The following PPP3R1 variants were observed in gnomAD, a reference collection of about 807,000 sequenced individuals.
PPP3R1 encodes the protein protein phosphatase 3 regulatory subunit B, alpha.
Under a neutral mutation model 22.6 loss-of-function variants are expected in PPP3R1, and 5 were observed. That is an observed-to-expected ratio of 0.22 (90% CI 0.12 to 0.46). The LOEUF is 0.46. PPP3R1 is among the 20% of genes least tolerant of loss of function. PPP3R1 has a pLI of 0.99. For synonymous variants in PPP3R1, 56 were observed against 65.2 expected (o/e 0.86, Z 0.68); for missense variants, 61 against 203.2 (o/e 0.30, Z 4.25).
At chr2:68,182,079 C>A (rs1473258520) in intron 5 of PPP3R1, among the ~76,000 whole-genome samples, 1 of 37,534 alleles carries the variant, frequency 2.7e-5, no homozygotes, top group South Asian at 9.0e-4. Context: ...CAACCCCCCC[C>A]TCCCCCCACC....
intron 1 of PPP3R1, among the ~76,000 whole-genome samples, chr2:68,242,736 C>G (rs1670159085): frequency 6.6e-6 from 1 of 152,068 alleles, no homozygotes; most frequent in Non-Finnish European, 1.5e-5. Flanking sequence ...TAGACAATGC[C>G]AGCATACTGC....
chr2:68,247,609 A>G (rs1670261114), intron 1 of PPP3R1, among the ~76,000 whole-genome samples: 1 of 152,234 alleles, frequency 6.6e-6, no homozygotes, highest in Non-Finnish European at 1.5e-5. Flanking sequence ...TAGTCATCCC[A>G]GCAAACTGGA....
In PPP3R1 at chr2:68,179,910, CCA is replaced by C. The variant is rs1674366170; in HGVS notation, c.*1051_*1052del. ...ATACATACATGCATATTAAATATCACCAGTTTTTTAGATTAGCTGCAAGTCTT... is the reference window on the plus strand; with the variant it reads ...ATACATACATGCATATTAAATATCACGTTTTTTAGATTAGCTGCAAGTCTT... On this transcript the variant is annotated 3_prime_UTR_variant, in exon 6 of 6. Transcript: ENST00000234310. The C allele has an allele frequency of 6.6e-6, 1 of 152,126 alleles. No homozygotes were observed. The highest frequency in any genetic ancestry group is 1.5e-5 in the Non-Finnish European group (1 of 68,028). The allele number at this position is 152,126 out of a possible 1,614,324, so 9.4% of individuals were successfully genotyped here.
At chr2:68,233,955 G>C (rs1042485260) in intron 1 of PPP3R1, among the ~76,000 whole-genome samples, 5 of 152,122 alleles carry the variant, frequency 3.3e-5, no homozygotes, top group African/African-American at 4.8e-5. Context: ...AAAAAACAGA[G>C]AAATAACATT....
intron 1 of PPP3R1, among the ~76,000 whole-genome samples, chr2:68,250,430 CA>C (rs1489534178): frequency 3.9e-5 from 6 of 152,156 alleles, no homozygotes; most frequent in Non-Finnish European, 8.8e-5. Flanking sequence ...ATATAAACAA[CA>C]AAAGGCTAGA....
intron 1 of PPP3R1, among the ~76,000 whole-genome samples, chr2:68,223,190 T>C (rs924126191): frequency 1.3e-5 from 2 of 150,922 alleles, no homozygotes; most frequent in Non-Finnish European, 3.0e-5. Flanking sequence ...AGGTCAGGAG[T>C]TCAAGACCAG....
At chr2:68,252,070 C>A in intron 1 of PPP3R1, 55 bp downstream of exon 1, 1 of 1,376,174 alleles carries the variant, frequency 7.3e-7, no homozygotes. Context: ...CCGCACCCGA[C>A]CCGGACGGCG....
intron 1 of PPP3R1, among the ~76,000 whole-genome samples, chr2:68,245,650 T>C (rs1216548568): frequency 1.3e-5 from 2 of 152,216 alleles, no homozygotes; most frequent in Non-Finnish European, 2.9e-5. Context: ...TTTTATTTGC[T>C]TTCAAATCCT....
intron 2 of PPP3R1, among the ~76,000 whole-genome samples, chr2:68,204,221 C>CCTA (rs1675056034): frequency 1.3e-5 from 2 of 152,010 alleles, no homozygotes; most frequent in African/African-American, 4.8e-5. Context: ...GTATACATTT[C>CCTA]CTAGTCCAGA....
chr2:68,217,139 G>T lies in PPP3R1; in HGVS notation c.4-8C>A. On this transcript the variant is annotated splice_polypyrimidine_tract_variant and splice_region_variant and intron_variant, in intron 1 of 5. Transcript: ENST00000234310. ...ATAACTTGCCTCATTTCCCTGGGGG[G>T]AAAGAAAGAAATAATTAGTCATAAA... The T allele has an allele frequency of 6.3e-7, 1 of 1,576,268 alleles. No homozygotes were observed. The highest frequency in any genetic ancestry group is 1.7e-5 in the Admixed American group (1 of 57,392).
chr2:68,210,623 G>A (rs1382067048), intron 2 of PPP3R1, among the ~76,000 whole-genome samples: 1 of 152,028 alleles, frequency 6.6e-6, no homozygotes, highest in Non-Finnish European at 1.5e-5. Context: ...GGGTTCAACA[G>A]ACAAAAAAAT....
chr2:68,217,018 A>G, intron 2 of PPP3R1, 74 bp downstream of exon 2: 1 of 1,010,988 alleles, frequency 9.9e-7, no homozygotes, highest in Non-Finnish European at 1.4e-6. Context: ...TGATACACAC[A>G]CACACACACA....
At chr2:68,194,819 T>C (rs1020922263) in intron 2 of PPP3R1, among the ~76,000 whole-genome samples, 2 of 152,114 alleles carry the variant, frequency 1.3e-5, no homozygotes, top group African/African-American at 2.4e-5. Context: ...CCAATAATTG[T>C]ATAGTAGAAA....
At chr2:68,230,509 G>C (rs1669876107) in intron 1 of PPP3R1, among the ~76,000 whole-genome samples, 1 of 152,216 alleles carries the variant, frequency 6.6e-6, no homozygotes, top group South Asian at 2.1e-4. Flanking sequence ...CATACCTTTA[G>C]AACCACATCA....
chr2:68,231,275 G>A (rs1278467754), intron 1 of PPP3R1, among the ~76,000 whole-genome samples: 1 of 151,710 alleles, frequency 6.6e-6, no homozygotes, highest in Non-Finnish European at 1.5e-5. Flanking sequence ...CTACTCACTG[G>A]GCTACTGTAT....
chr2:68,234,098 CT>C (rs1188846919), intron 1 of PPP3R1, among the ~76,000 whole-genome samples: 1 of 152,164 alleles, frequency 6.6e-6, no homozygotes, highest in African/African-American at 2.4e-5. Context: ...AATCCCAGCA[CT>C]TTGGGAGGCC....
chr2:68,193,091 A>T (rs895622258), intron 2 of PPP3R1, among the ~76,000 whole-genome samples: 12 of 152,178 alleles, frequency 7.9e-5, no homozygotes, highest in African/African-American at 2.9e-4. Context: ...ACTTGTTTTA[A>T]TATCTTGTGA....
chr2:68,252,229 C>A lies in PPP3R1; in HGVS notation c.-102G>T. On this transcript the variant is annotated 5_prime_UTR_variant, in exon 1 of 6. Transcript: ENST00000234310. ...GCGGCGGCGGCCCAGCTGCGGCCCT[C>A]GGGTCGCCGGCGGGGAGGGGGCGCG... 12 of 1,106,916 alleles carry A rather than the reference C, an allele frequency of 1.1e-5. No individual in the cohort carries two copies. The highest frequency in any genetic ancestry group is 1.3e-5 in the Non-Finnish European group (12 of 899,902). 68.6% of individuals were successfully genotyped at this position (1,106,916 alleles called of 1,614,324 possible).
At chr2:68,209,882 CAA>C (rs1397878174) in intron 2 of PPP3R1, among the ~76,000 whole-genome samples, 2 of 151,924 alleles carry the variant, frequency 1.3e-5, no homozygotes, top group Non-Finnish European at 2.9e-5. Flanking sequence ...TGAAGTCAGT[CAA>C]ATAAAGAGCT....
Sources: allele counts gnomAD v4.1 joint callset (sites outside exome capture counted in the v4.1 genomes callset), GRCh38; gene constraint gnomAD v4.1.1; transcripts MANE v1.5; gene names NCBI Gene and HGNC (gene_info 2026-07-23, HGNC 2026-07-21).